The following BCAS1 variants were observed in gnomAD, a reference collection of about 807,000 sequenced individuals.
BCAS1 encodes the protein breast carcinoma-amplified sequence 1.
A neutral mutation model predicts 65.4 loss-of-function variants in BCAS1; 46 were observed. That is an observed-to-expected ratio of 0.70 (90% CI 0.55 to 0.90). The LOEUF is 0.90. Among genes scored for constraint, BCAS1 ranks in the 40% least tolerant of loss-of-function variants. The probability of loss-of-function intolerance (pLI) is 0.00; values close to 1 mark genes in which losing one functional copy is unlikely to be tolerated. For missense variants in BCAS1, 793 were observed against 771.2 expected (o/e 1.03, Z -0.33); for synonymous variants, 298 against 293.5 (o/e 1.02, Z -0.16).
chr20:53,965,489 T>C (rs997731739), intron 10 of BCAS1, among the ~76,000 whole-genome samples: 4 of 152,234 alleles, frequency 2.6e-5, no homozygotes, highest in Non-Finnish European at 4.4e-5. Flanking sequence ...ATTTAGGTTT[T>C]GTTGCATTAT....
intron 4 of BCAS1, among the ~76,000 whole-genome samples, chr20:54,003,448 G>C (rs187636841): frequency 1.3e-5 from 2 of 151,950 alleles, no homozygotes; most frequent in African/African-American, 4.8e-5. Context: ...CGTTTTTCTG[G>C]GTCAGGCCAC....
At position 53,944,641 on chromosome 20, in the gene BCAS1, C is replaced by T; in HGVS notation, c.*281G>A. 2.6e-6 allele frequency: 1 copy of T among 377,466 alleles called. No individual in the cohort carries two copies. Among genetic ancestry groups the T allele is most frequent in the South Asian group, 2.9e-5 (1 of 34,150 alleles). 23.4% of individuals were successfully genotyped at this position (377,466 alleles called of 1,614,324 possible). A position where few individuals can be genotyped will look rare whatever the true frequency, so the allele number is the denominator to read the frequency against. On this transcript the variant is annotated 3_prime_UTR_variant, in exon 13 of 13. Transcript: ENST00000688948. The stretch of plus-strand genomic sequence containing the variant: ...CCATTTTCATCACTTAACCCGAACA[C>T]ATTCCTCTATTCCCTCCCTTTCCTG...
rs111512787 is a variant in BCAS1 at position 53,944,481 on chromosome 20, G to T, written c.*441C>A. 1,272 of 170,470 alleles carry T rather than the reference G, an allele frequency of 7.5e-3. 15 individuals carry two copies. Among genetic ancestry groups the T allele is most frequent in the African/African-American group, 0.028 (1,167 of 41,996 alleles). The allele number at this position is 170,470 out of a possible 1,614,324, so 10.6% of individuals were successfully genotyped here. ...GTGCCACCATGCCTGGCTAATTTTT[G>T]TATTTTTAGTAGAGACGGGGTTTCA... On this transcript the variant is annotated 3_prime_UTR_variant, in exon 13 of 13. Coordinates refer to ENST00000688948, the MANE Select transcript of BCAS1 (RefSeq NM_001366298.2).
intron 4 of BCAS1, among the ~76,000 whole-genome samples, chr20:54,005,579 A>G (rs1370166822): frequency 6.6e-6 from 1 of 152,240 alleles, no homozygotes; most frequent in African/African-American, 2.4e-5. Flanking sequence ...AGCTTTTTAA[A>G]CAAATGCCAA....
chr20:54,070,357 C>T (rs1217555811), intron 1 of BCAS1, 76 bp downstream of exon 1: 1 of 152,280 alleles, frequency 6.6e-6, no homozygotes, highest in African/African-American at 2.4e-5. Context: ...CTGTCTGACC[C>T]CTGGCCTCTA....
chr20:53,973,690 G>A (rs1263071326), intron 9 of BCAS1, among the ~76,000 whole-genome samples: 2 of 152,192 alleles, frequency 1.3e-5, no homozygotes, highest in East Asian at 3.8e-4. Flanking sequence ...CCTCCTTGTA[G>A]GTTGCGGGAA....
intron 1 of BCAS1, among the ~76,000 whole-genome samples, chr20:54,060,697 A>T (rs557307110): frequency 7.0e-4 from 106 of 152,262 alleles, no homozygotes; most frequent in Non-Finnish European, 1.3e-3. Flanking sequence ...GCTGGGTAGG[A>T]TGGTTCTGAA....
At chr20:54,012,144 A>G (rs751894959) in intron 4 of BCAS1, among the ~76,000 whole-genome samples, 7 of 152,136 alleles carry the variant, frequency 4.6e-5, no homozygotes, top group Non-Finnish European at 1.0e-4. Context: ...AAGCCTATGT[A>G]AAAAAGGGTA....
intron 3 of BCAS1, among the ~76,000 whole-genome samples, chr20:54,049,445 A>C (rs996564370): frequency 1.3e-5 from 2 of 152,146 alleles, no homozygotes; most frequent in African/African-American, 4.8e-5. Context: ...GCCAAAAATC[A>C]GGCATTTTTA....
chr20:53,962,691 GA>G (rs1336779693), intron 10 of BCAS1, among the ~76,000 whole-genome samples: 1 of 152,156 alleles, frequency 6.6e-6, no homozygotes, highest in Admixed American at 6.5e-5. Context: ...GGGCATGACA[GA>G]TGTCTTAGAT....
intron 3 of BCAS1, among the ~76,000 whole-genome samples, chr20:54,047,553 G>A (rs964727762): frequency 6.6e-6 from 1 of 152,234 alleles, no homozygotes; most frequent in Non-Finnish European, 1.5e-5. Flanking sequence ...AAGGAAGACA[G>A]AGGCACAAGG....
intron 8 of BCAS1, among the ~76,000 whole-genome samples, chr20:53,980,123 T>C (rs1298844060): frequency 2.6e-5 from 4 of 152,208 alleles, no homozygotes; most frequent in African/African-American, 4.8e-5. Flanking sequence ...TAGTGTTATG[T>C]TGACCTTTGA....
At chr20:54,053,178 A>G (rs2092246345) in intron 3 of BCAS1, among the ~76,000 whole-genome samples, 1 of 152,234 alleles carries the variant, frequency 6.6e-6, no homozygotes, top group African/African-American at 2.4e-5. Context: ...TTGGTGAGTT[A>G]AGCTAGAAAT....
At chr20:53,994,876 A>C in intron 6 of BCAS1, 136 bp downstream of exon 6, 1 of 548,746 alleles carries the variant, frequency 1.8e-6, no homozygotes. Flanking sequence ...TGCTAATTAT[A>C]TATAGATATG....
rs73132909 is a variant in BCAS1, at chr20:54,043,985, A to T, written c.142+14100T>A. On this transcript the variant is annotated intron_variant, in intron 3 of 12. Transcript: ENST00000688948. Reference sequence around the variant, plus strand: ...CTGCTTTTATTGATAAACTTCCAGAAACTTGAAGCGCACCTTACCATTTCT... The same window carrying T: ...CTGCTTTTATTGATAAACTTCCAGATACTTGAAGCGCACCTTACCATTTCT... Among the ~76,000 whole-genome samples, 661 of 152,296 alleles carry T rather than the reference A, an allele frequency of 4.3e-3. 1 individual carries two copies. The highest frequency in any genetic ancestry group is 6.3e-3 in the Admixed American group (97 of 15,296).
chr20:54,010,158 T>A (rs2091288902), intron 4 of BCAS1, among the ~76,000 whole-genome samples: 1 of 152,168 alleles, frequency 6.6e-6, no homozygotes, highest in Non-Finnish European at 1.5e-5. Context: ...GCATTTCTCC[T>A]AAGATTAGGA....
chr20:53,976,350 T>C (rs931506474), intron 8 of BCAS1, among the ~76,000 whole-genome samples: 5 of 152,232 alleles, frequency 3.3e-5, no homozygotes, highest in African/African-American at 1.2e-4. Context: ...TCAGGATTCA[T>C]AGACCTTCTA....
intron 12 of BCAS1, among the ~76,000 whole-genome samples, chr20:53,947,626 T>A (rs1378922925): frequency 6.6e-6 from 1 of 152,164 alleles, no homozygotes; most frequent in Non-Finnish European, 1.5e-5. Flanking sequence ...CAGAGGAGGC[T>A]GCTGAAGCCC....
At chr20:53,979,972 T>C (rs2090436023) in intron 8 of BCAS1, among the ~76,000 whole-genome samples, 1 of 152,176 alleles carries the variant, frequency 6.6e-6, no homozygotes, top group Admixed American at 6.5e-5. Context: ...TTGGGCCAGA[T>C]GTATGTTTGC....
Sources: allele counts gnomAD v4.1 joint callset (sites outside exome capture counted in the v4.1 genomes callset), GRCh38; gene constraint gnomAD v4.1.1; transcripts MANE v1.5; gene names NCBI Gene and HGNC (gene_info 2026-07-23, HGNC 2026-07-21).